The following ZNF599 variants were observed in gnomAD, a reference collection of about 807,000 sequenced individuals.
The protein encoded by ZNF599 is zinc finger protein 599.
A neutral mutation model predicts 11.7 loss-of-function variants in ZNF599; 10 were observed. That is an observed-to-expected ratio of 0.86 (90% CI 0.53 to 1.45). ZNF599 has a LOEUF of 1.45. Among genes scored for constraint, ZNF599 ranks in the 40% most tolerant of loss-of-function variants. The pLI is 0.00. For missense variants in ZNF599, 688 were observed against 713.6 expected (o/e 0.96, Z 0.41); for synonymous variants, 232 against 253.2 (o/e 0.92, Z 0.79).
intron 1 of ZNF599, chr19:34,772,299 T>C (rs2145466478): frequency 1.0e-6 from 1 of 987,688 alleles, no homozygotes; most frequent in Non-Finnish European, 1.2e-6. Flanking sequence ...GCTTCTTGTC[T>C]TCTAGCCTCC....
chr19:34,776,566 A>G (rs1412999744), upstream of ZNF599, among the ~76,000 whole-genome samples: 1 of 152,196 alleles, frequency 6.6e-6, no homozygotes, highest in Non-Finnish European at 1.5e-5. Context: ...ATTCACTGCT[A>G]TTTCTGTGAT....
the ZNF599 span, among the ~76,000 whole-genome samples, chr19:34,806,734 G>T: frequency 6.6e-6 from 1 of 152,094 alleles, no homozygotes; most frequent in African/African-American, 2.4e-5. Context: ...GACCCATAAA[G>T]CAGCATGTAG....
chr19:34,792,022 C>G, the ZNF599 span: 1 of 152,210 alleles, frequency 6.6e-6, no homozygotes, highest in Non-Finnish European at 1.5e-5. Context: ...TGAGGCTGCT[C>G]CCTTCCATGC....
chr19:34,765,109 G>A (rs1283716341), intron 3 of ZNF599: 1 of 153,244 alleles, frequency 6.5e-6, no homozygotes, highest in Non-Finnish European at 1.5e-5. Context: ...TGAGTAGAGA[G>A]GGGATGAAAA....
chr19:34,767,018 T>C lies in ZNF599; in HGVS notation c.241+298A>G, dbSNP rs549841979. 5 of 299,012 alleles carry C rather than the reference T, an allele frequency of 1.7e-5. No homozygotes were observed. The Admixed American group carries it at 2.3e-4, about 14-fold the overall frequency. The allele number at this position is 299,012 out of a possible 1,614,324, so 18.5% of individuals were successfully genotyped here. Reference sequence around the variant, plus strand: ...GGAGTTTATTTTTCAGAGAAGGTCATTAACTCAGCCTAACTTATATACCAA... The same window carrying C: ...GGAGTTTATTTTTCAGAGAAGGTCACTAACTCAGCCTAACTTATATACCAA... On this transcript the variant is annotated intron_variant, in intron 3 of 3. Transcript: ENST00000329285.
At chr19:34,779,181 T>A in the ZNF599 span, among the ~76,000 whole-genome samples, 2 of 146,136 alleles carry the variant, frequency 1.4e-5, no homozygotes, top group South Asian at 4.6e-4. Flanking sequence ...ACTCAAGCAA[T>A]CTTCCCACCA....
chr19:34,767,151 G>A (rs2069149274), intron 3 of ZNF599, 165 bp downstream of exon 3: 1 of 597,202 alleles, frequency 1.7e-6, no homozygotes, highest in Non-Finnish European at 3.0e-6. Flanking sequence ...CCTGAATAAA[G>A]GCAAAGAGTG....
chr19:34,760,527 T>C lies in ZNF599; in HGVS notation c.274A>G (p.Thr92Ala), dbSNP rs781630396. ...TCAGAGAAGGCCAGCTGAGAAGCAG[T>C]AGGCTCTGTAATCTTGGGTTTTGCT... ...EKAKPKITEP[T>A]ASQLAFSEES... Residue 92 changes from threonine to alanine, a missense_variant, in exon 4 of 4, where the codon ACT (threonine) becomes GCT (alanine). Thr to Ala is a moderately conservative substitution (Grantham distance 58, BLOSUM62 0). Coordinates refer to ENST00000329285, the MANE Select transcript of ZNF599 (RefSeq NM_001007248.3). 4 of 1,612,838 alleles carry C rather than the reference T, an allele frequency of 2.5e-6. No homozygotes were observed. Among genetic ancestry groups the C allele is most frequent in the Non-Finnish European group, 3.4e-6 (4 of 1,179,586 alleles).
chr19:34,777,457 A>G (rs1410576076), upstream of ZNF599, among the ~76,000 whole-genome samples: 4 of 98,084 alleles, frequency 4.1e-5, no homozygotes, highest in Non-Finnish European at 5.6e-5. Flanking sequence ...TAATTAATAT[A>G]TAATATATTA....
chr19:34,768,398 C>T (rs1778887414), intron 2 of ZNF599, among the ~76,000 whole-genome samples: 1 of 152,184 alleles, frequency 6.6e-6, no homozygotes, highest in Non-Finnish European at 1.5e-5. Context: ...TGACTCATCC[C>T]TCGTGAGGAC....
the ZNF599 span, among the ~76,000 whole-genome samples, chr19:34,786,019 G>C: frequency 6.6e-6 from 1 of 152,082 alleles, no homozygotes; most frequent in Non-Finnish European, 1.5e-5. Context: ...GAGGATCCTG[G>C]CAGAACCCCC....
At chr19:34,765,750 AG>A in intron 3 of ZNF599, 1 of 692,306 alleles carries the variant, frequency 1.4e-6, no homozygotes, top group Admixed American at 2.0e-5. Context: ...ATCAGTGGCA[AG>A]GGAGGCGGTG....
chr19:34,803,789 C>A, the ZNF599 span, among the ~76,000 whole-genome samples: 1 of 152,164 alleles, frequency 6.6e-6, no homozygotes, highest in Non-Finnish European at 1.5e-5. Context: ...CAAACACAAC[C>A]AAACTTGGGC....
At chr19:34,765,688 A>G in intron 3 of ZNF599, 1 of 702,974 alleles carries the variant, frequency 1.4e-6, no homozygotes, top group East Asian at 2.7e-5. Context: ...GTCAAAAAGC[A>G]AGAAAATCAA....
the ZNF599 span, among the ~76,000 whole-genome samples, chr19:34,801,811 A>G: frequency 6.6e-6 from 1 of 152,234 alleles, no homozygotes. Context: ...GGCACAAGAA[A>G]TCTGCAGCCC....
upstream of ZNF599, among the ~76,000 whole-genome samples, chr19:34,773,618 G>A (rs1228978143): frequency 6.6e-6 from 1 of 152,126 alleles, no homozygotes; most frequent in Non-Finnish European, 1.5e-5. Flanking sequence ...TCCCCTATCA[G>A]TAATTTTCAG....
the ZNF599 span, among the ~76,000 whole-genome samples, chr19:34,789,947 T>C: frequency 3.9e-5 from 6 of 152,328 alleles, no homozygotes; most frequent in South Asian, 1.2e-3. Context: ...ATGGAGCATG[T>C]CCTCTACATT....
chr19:34,795,843 T>C, the ZNF599 span, among the ~76,000 whole-genome samples: 8 of 152,286 alleles, frequency 5.3e-5, no homozygotes, highest in East Asian at 9.7e-4. Context: ...CTTTTTGAGA[T>C]GGAGCTTTGC....
intron 3 of ZNF599, among the ~76,000 whole-genome samples, chr19:34,766,352 G>C (rs761161891): frequency 6.6e-6 from 1 of 152,150 alleles, no homozygotes; most frequent in Non-Finnish European, 1.5e-5. Context: ...GTGCTTCTGC[G>C]TATCTGATAC....
Sources: gnomAD v4.1 joint callset for allele counts (sites outside exome capture counted in the v4.1 genomes callset) on GRCh38, gnomAD v4.1.1 for gene constraint, MANE v1.5 for transcripts, NCBI Gene and HGNC (gene_info 2026-07-23, HGNC 2026-07-21) for gene names.